NRG1: variants seen among roughly 807,000 people sequenced by gnomAD.
NRG1 encodes pro-neuregulin-1, membrane-bound isoform.
In NRG1, 18 loss-of-function variants were observed where a neutral mutation model predicts 63.8. The observed-to-expected ratio is 0.28, with a 90% CI of 0.19 to 0.42. The LOEUF is 0.42. NRG1 is among the 10% of genes least tolerant of loss of function. The pLI is 1.00. For missense variants in NRG1, 762 were observed against 814.7 expected, an observed-to-expected ratio of 0.94 and a Z score of 0.79; for synonymous variants, 302 against 301.3, an observed-to-expected ratio of 1.00 and a Z score of -0.02.
chr8:31,847,628 G>T (rs180945246), intron 1 of NRG1, among the ~76,000 whole-genome samples: 1 of 152,192 alleles, frequency 6.6e-6, no homozygotes, highest in East Asian at 1.9e-4. Context: ...TTATCATATT[G>T]GGTTATCAAC....
chr8:32,395,547 G>A (rs1812328410), intron 1 of NRG1, among the ~76,000 whole-genome samples: 1 of 151,710 alleles, frequency 6.6e-6, no homozygotes, highest in African/African-American at 2.4e-5. Flanking sequence ...CTTTGCTAAA[G>A]TGTCTATGCA....
chr8:32,726,533 A>T (rs1822238750), intron 5 of NRG1, among the ~76,000 whole-genome samples: 1 of 152,148 alleles, frequency 6.6e-6, no homozygotes, highest in African/African-American at 2.4e-5. Flanking sequence ...CGAAAAAGCC[A>T]TGCTGAGATC....
intron 5 of NRG1, among the ~76,000 whole-genome samples, chr8:32,689,776 G>A (rs560948454): frequency 8.5e-4 from 129 of 151,846 alleles, no homozygotes; most frequent in African/African-American, 2.6e-3. Context: ...GATTCACATC[G>A]TTTTCATAAC....
At chr8:32,100,890 A>G (rs886662507) in intron 1 of NRG1, among the ~76,000 whole-genome samples, 1 of 152,196 alleles carries the variant, frequency 6.6e-6, no homozygotes, top group Admixed American at 6.5e-5. Context: ...ATAATGCGCC[A>G]TGGTATTTTG....
At chr8:31,659,464 G>A (rs1805753313) in intron 1 of NRG1, among the ~76,000 whole-genome samples, 2 of 152,106 alleles carry the variant, frequency 1.3e-5, no homozygotes, top group Admixed American at 6.5e-5. Context: ...TGGTGAGAGG[G>A]TGAACTGAGG....
At chr8:32,554,717 T>A (rs1230446968) in intron 1 of NRG1, among the ~76,000 whole-genome samples, 3 of 152,230 alleles carry the variant, frequency 2.0e-5, no homozygotes, top group Non-Finnish European at 4.4e-5. Flanking sequence ...ATGCACTTTC[T>A]TATGTTGCCC....
At position 32,605,806 on chromosome 8, in the gene NRG1, A is replaced by G. The variant is rs1845161766; in HGVS notation, c.400+123A>G. 5 of 1,138,964 alleles carry G rather than the reference A, an allele frequency of 4.4e-6. No individual in the cohort carries two copies. In the South Asian group the frequency reaches 8.1e-5, roughly 19 times the overall value. 70.6% of individuals were successfully genotyped at this position (1,138,964 alleles called of 1,614,324 possible). On this transcript the variant is annotated intron_variant, in intron 3 of 11. Transcript: ENST00000356819. ...GTGAACAAATTAAAAACAGAGAAAGAAAACCAGATGTTTCAAGGATCTTGT... is the reference window on the plus strand; with the variant it reads ...GTGAACAAATTAAAAACAGAGAAAGGAAACCAGATGTTTCAAGGATCTTGT...
rs147209584 is a variant in NRG1, at chr8:31,823,117, C to CT, written c.37+183710dup. On this transcript the variant is annotated intron_variant, in intron 1 of 10. Transcript: ENST00000519301. ...TACTTGCTTGAATGCTGTCCTTGTT[C>CT]TTTTTTTTTTTTTTTTTTTTTTTTG... Among the ~76,000 whole-genome samples the CT allele has an allele frequency of 6.6e-3, 518 of 77,926 alleles. 1 individual carries two copies. Among genetic ancestry groups the CT allele is most frequent in the South Asian group, 0.021 (37 of 1,782 alleles). The allele number at this position is 77,926 out of a possible 152,430, so 51.1% of individuals were successfully genotyped here. A position where few individuals can be genotyped will look rare whatever the true frequency, so the allele number is the denominator to read the frequency against.
chr8:32,354,878 A>G (rs530742291), intron 1 of NRG1, among the ~76,000 whole-genome samples: 67 of 151,546 alleles, frequency 4.4e-4, no homozygotes, highest in Middle Eastern at 6.8e-3. Flanking sequence ...TATTAAAGGT[A>G]GCTTTTCAAA....
At chr8:31,882,853 A>G (rs1368385277) in intron 1 of NRG1, among the ~76,000 whole-genome samples, 1 of 152,158 alleles carries the variant, frequency 6.6e-6, no homozygotes, top group Non-Finnish European at 1.5e-5. Context: ...TGAATGATTG[A>G]GGAATTGTTT....
chr8:32,356,680 G>A (rs1806475502), intron 1 of NRG1, among the ~76,000 whole-genome samples: 1 of 152,172 alleles, frequency 6.6e-6, no homozygotes, highest in Admixed American at 6.5e-5. Flanking sequence ...TTCCTAGATT[G>A]TGATGGTATT....
At chr8:32,374,015 GTTA>G (rs908419954) in intron 1 of NRG1, among the ~76,000 whole-genome samples, 2 of 152,038 alleles carry the variant, frequency 1.3e-5, no homozygotes, top group Non-Finnish European at 2.9e-5. Flanking sequence ...TTGAATTTCT[GTTA>G]TTGTTACTAT....
chr8:31,869,081 C>T (rs1466626632), intron 1 of NRG1, among the ~76,000 whole-genome samples: 1 of 152,154 alleles, frequency 6.6e-6, no homozygotes, highest in Admixed American at 6.5e-5. Context: ...TAAGAGCAAA[C>T]ACATATCTTT....
At chr8:32,754,699 A>G (rs1182144164) in intron 8 of NRG1, among the ~76,000 whole-genome samples, 2 of 152,184 alleles carry the variant, frequency 1.3e-5, no homozygotes, top group East Asian at 3.8e-4. Context: ...TTCAATGACC[A>G]CAGCCCCTGA....
chr8:32,722,681 A>C (rs966412288), intron 5 of NRG1, among the ~76,000 whole-genome samples: 1 of 152,210 alleles, frequency 6.6e-6, no homozygotes, highest in Admixed American at 6.5e-5. Context: ...GTTATAACAC[A>C]TAATACATAA....
chr8:32,710,868 A>G (rs574633792), intron 5 of NRG1, among the ~76,000 whole-genome samples: 5 of 152,202 alleles, frequency 3.3e-5, no homozygotes, highest in Non-Finnish European at 5.9e-5. Context: ...AGAAAACTAG[A>G]TAATATAGAC....
At chr8:32,471,672 CT>C (rs1277026125) in intron 1 of NRG1, among the ~76,000 whole-genome samples, 6 of 152,050 alleles carry the variant, frequency 3.9e-5, no homozygotes, top group African/African-American at 1.2e-4. Context: ...GAAACTACCC[CT>C]GTTAAATACT....
At chr8:32,315,248 C>T (rs745592570) in intron 1 of NRG1, among the ~76,000 whole-genome samples, 1 of 152,154 alleles carries the variant, frequency 6.6e-6, no homozygotes, top group Non-Finnish European at 1.5e-5. Context: ...GCCCACCCCC[C>T]TGACAGGTCC....
chr8:32,092,254 T>G (rs1453122267), intron 1 of NRG1, among the ~76,000 whole-genome samples: 4 of 151,716 alleles, frequency 2.6e-5, no homozygotes, highest in Non-Finnish European at 4.4e-5. Context: ...AGCCCAGTTC[T>G]AGACTAACCT....
Sources: gnomAD v4.1 joint callset for allele counts (sites outside exome capture counted in the v4.1 genomes callset) on GRCh38, gnomAD v4.1.1 for gene constraint, MANE v1.5 for transcripts, NCBI Gene and HGNC (gene_info 2026-07-23, HGNC 2026-07-21) for gene names.